Variants in STRBP observed in about 807,000 individuals in gnomAD.
The protein encoded by STRBP is spermatid perinuclear RNA binding protein, also known as spermatid perinuclear RNA-binding protein.
Under a neutral mutation model 80.1 loss-of-function variants are expected in STRBP, and 13 were observed. The observed-to-expected ratio is 0.16, with a 90% CI of 0.11 to 0.26. The LOEUF (loss-of-function observed/expected upper bound fraction) is 0.26, where lower values mean the gene tolerates loss of function less well. Among genes scored for constraint, STRBP ranks in the 10% least tolerant of loss-of-function variants. The probability of loss-of-function intolerance (pLI) is 1.00; values close to 1 mark genes in which losing one functional copy is unlikely to be tolerated. For synonymous variants in STRBP, 284 were observed against 291.2 expected (o/e 0.98, Z 0.25); for missense variants, 485 against 815.2 (o/e 0.59, Z 4.93).
chr9:123,248,465 T>G (rs1180466714), intron 1 of STRBP, among the ~76,000 whole-genome samples: 1 of 151,848 alleles, frequency 6.6e-6, no homozygotes, highest in Non-Finnish European at 1.5e-5. Context: ...AGAGACGGTG[T>G]TTTACCATGT....
intron 2 of STRBP, among the ~76,000 whole-genome samples, chr9:123,196,128 G>A (rs2039082027): frequency 1.3e-5 from 2 of 152,160 alleles, no homozygotes; most frequent in South Asian, 4.1e-4. Flanking sequence ...CTATGGAAAG[G>A]ACAGGGTCTT....
intron 1 of STRBP, among the ~76,000 whole-genome samples, chr9:123,258,032 A>G (rs1472303587): frequency 6.6e-6 from 1 of 152,090 alleles, no homozygotes; most frequent in Non-Finnish European, 1.5e-5. Flanking sequence ...CAGCAAAAAG[A>G]CGACTTCAAG....
intron 2 of STRBP, among the ~76,000 whole-genome samples, chr9:123,215,295 G>A (rs949774350): frequency 2.3e-5 from 3 of 131,384 alleles, no homozygotes; most frequent in Non-Finnish European, 4.5e-5. Flanking sequence ...GGGCTCAAGC[G>A]ATTCTCCAGC....
At chr9:123,192,716 G>A (rs2038965768) in intron 2 of STRBP, among the ~76,000 whole-genome samples, 1 of 152,148 alleles carries the variant, frequency 6.6e-6, no homozygotes, top group African/African-American at 2.4e-5. Flanking sequence ...GTATACCACT[G>A]TGTAAAGTTG....
At chr9:123,259,997 C>T (rs867431987) in intron 1 of STRBP, among the ~76,000 whole-genome samples, 7 of 152,000 alleles carry the variant, frequency 4.6e-5, no homozygotes, top group African/African-American at 1.7e-4. Context: ...GAGTGGTTTC[C>T]GGAGAGAACA....
intron 2 of STRBP, among the ~76,000 whole-genome samples, chr9:123,210,437 AG>A (rs895336165): frequency 1.6e-4 from 25 of 152,044 alleles, no homozygotes; most frequent in African/African-American, 5.6e-4. Context: ...AAAAAAATCC[AG>A]GAGTAGGATA....
At chr9:123,205,004 G>A (rs1436370401) in intron 2 of STRBP, among the ~76,000 whole-genome samples, 4 of 144,824 alleles carry the variant, frequency 2.8e-5, no homozygotes, top group African/African-American at 1.0e-4. Context: ...TAGCTCACAC[G>A]CCTGTAATCC....
chr9:123,210,664 T>TA, intron 2 of STRBP, among the ~76,000 whole-genome samples: 1 of 152,058 alleles, frequency 6.6e-6, no homozygotes, highest in African/African-American at 2.4e-5. Flanking sequence ...CCGTCTCTAC[T>TA]AAAAATACAC....
intron 2 of STRBP, among the ~76,000 whole-genome samples, chr9:123,191,919 A>G (rs2038939978): frequency 6.6e-6 from 1 of 152,190 alleles, no homozygotes; most frequent in African/African-American, 2.4e-5. Context: ...CTTGTTGAAA[A>G]CACTGTATAA....
intron 17 of STRBP, among the ~76,000 whole-genome samples, chr9:123,129,635 A>G (rs1306576087): frequency 6.6e-6 from 1 of 152,056 alleles, no homozygotes. Flanking sequence ...CTTTTGCCCA[A>G]CCCATGTTAT....
Position 123,184,149 on chromosome 9 carries a change from T to G in STRBP, c.-15A>C. Reference sequence around the variant, plus strand: ...TAACCTACCATGGTTTTCTATAGTATTTTAGCTTCTTTTTCCGATCCTTTC... The same window carrying G: ...TAACCTACCATGGTTTTCTATAGTAGTTTAGCTTCTTTTTCCGATCCTTTC... On this transcript the variant is annotated 5_prime_UTR_variant, in exon 3 of 19. Transcript: ENST00000348403. 3.1e-6 allele frequency: 5 copies of G among 1,609,368 alleles called. No individual in the cohort carries two copies. The highest frequency in any genetic ancestry group is 4.2e-6 in the Non-Finnish European group (5 of 1,177,286).
Position 123,115,938 on chromosome 9 carries a change from G to C in STRBP, c.*75C>G, listed in dbSNP as rs1197270175. 6.7e-6 allele frequency: 3 copies of C among 446,396 alleles called. No homozygotes were observed. Among genetic ancestry groups the C allele is most frequent in the African/African-American group, 2.0e-5 (1 of 49,266 alleles). 27.7% of individuals were successfully genotyped at this position (446,396 alleles called of 1,614,324 possible). ...AATCCCTTAAAAATACCTGGCAGGA[G>C]TGCCCACGTTCTCTCCAGGTCTCCT... On this transcript the variant is annotated 3_prime_UTR_variant and NMD_transcript_variant, in exon 3 of 4. Coordinates refer to the STRBP transcript ENST00000471564. The surrounding 1 kb of genome is among the most constrained non-coding windows in gnomAD (Gnocchi z 5.0).
chr9:123,265,218 G>T lies in STRBP; in HGVS notation c.-302+3218C>A, dbSNP rs563252062. Among the ~76,000 whole-genome samples, 3 of 151,582 alleles carry T rather than the reference G, an allele frequency of 2.0e-5. No individual in the cohort carries two copies. The South Asian group carries it at 6.3e-4, about 32-fold the overall frequency. On this transcript the variant is annotated intron_variant, in intron 1 of 18. Transcript: ENST00000348403. Reference sequence around the variant, plus strand: ...TTTTTTTTTTAATATTTATATTAACGGATTCCGATTACTTAAAATTTGGTG... The same window carrying T: ...TTTTTTTTTTAATATTTATATTAACTGATTCCGATTACTTAAAATTTGGTG...
intron 17 of STRBP, among the ~76,000 whole-genome samples, chr9:123,130,380 G>A (rs78737794): frequency 0.011 from 1,638 of 152,236 alleles, 7 homozygotes; most frequent in Admixed American, 0.015. Context: ...CGGGACACAG[G>A]CCTTTCAGGG....
At chr9:123,233,141 A>G (rs2040445011) in intron 2 of STRBP, among the ~76,000 whole-genome samples, 1 of 152,186 alleles carries the variant, frequency 6.6e-6, no homozygotes, top group Admixed American at 6.5e-5. Context: ...TGGCGTGAAC[A>G]TAGCTCATGG....
intron 17 of STRBP, among the ~76,000 whole-genome samples, chr9:123,130,839 A>T (rs1485624398): frequency 6.6e-6 from 1 of 152,028 alleles, no homozygotes; most frequent in East Asian, 1.9e-4. Context: ...CTATATATTC[A>T]ATACACCAAT....
intron 3 of STRBP, chr9:123,111,870 C>CT (rs2035573125): frequency 4.3e-6 from 1 of 234,994 alleles, no homozygotes; most frequent in African/African-American, 2.4e-5. Context: ...CCGAGAGGCA[C>CT]TTCTGTACCA....
chr9:123,145,772 T>C (rs1202706883), intron 13 of STRBP, among the ~76,000 whole-genome samples: 1 of 152,212 alleles, frequency 6.6e-6, no homozygotes, highest in Non-Finnish European at 1.5e-5. Flanking sequence ...TCATTGTTGG[T>C]TTTCTTTTTC....
intron 2 of STRBP, among the ~76,000 whole-genome samples, chr9:123,196,004 C>T (rs533944995): frequency 1.2e-4 from 18 of 152,182 alleles, no homozygotes; most frequent in Non-Finnish European, 7.4e-5. Flanking sequence ...AAAACAGACA[C>T]ATGCTGATAT....
Sources: allele counts gnomAD v4.1 joint callset (sites outside exome capture counted in the v4.1 genomes callset), GRCh38; gene constraint gnomAD v4.1.1; non-coding constraint Gnocchi (gnomAD v3.1); transcripts MANE v1.5; gene names NCBI Gene and HGNC (gene_info 2026-07-23, HGNC 2026-07-21).